NME7: variants seen among roughly 807,000 people sequenced by gnomAD.
The protein encoded by NME7 is NME/NM23 family member 7.
A neutral mutation model predicts 49.1 loss-of-function variants in NME7; 41 were observed. That is an observed-to-expected ratio of 0.83 (90% confidence interval 0.65 to 1.08). The LOEUF (loss-of-function observed/expected upper bound fraction) is 1.08, where lower values mean the gene tolerates loss of function less well. Ranked by LOEUF, NME7 falls within the 50% of genes least tolerant of loss-of-function variation. NME7 has a pLI of 0.00. For missense variants in NME7, 423 were observed against 463.4 expected (o/e 0.91, Z 0.80); for synonymous variants, 139 against 150.6 (o/e 0.92, Z 0.56).
chr1:169,337,194 C>T (rs796479758), intron 1 of NME7, among the ~76,000 whole-genome samples: 4 of 152,328 alleles, frequency 2.6e-5, no homozygotes, highest in African/African-American at 7.2e-5. Flanking sequence ...TCAGGCATGG[C>T]GGGCTGCAGG....
At chr1:169,352,071 T>C (rs2101976686) in intron 1 of NME7, among the ~76,000 whole-genome samples, 1 of 151,926 alleles carries the variant, frequency 6.6e-6, no homozygotes, top group Non-Finnish European at 1.5e-5. Flanking sequence ...GCTCATTCTA[T>C]GAGCTCAGTA....
intron 7 of NME7, among the ~76,000 whole-genome samples, chr1:169,267,208 C>A (rs1181317968): frequency 7.5e-6 from 1 of 133,338 alleles, no homozygotes; most frequent in African/African-American, 2.5e-5. Flanking sequence ...ATACAGCTAA[C>A]CAAGGAAGTT....
chr1:169,240,613 G>T (rs1648049138), intron 7 of NME7, among the ~76,000 whole-genome samples: 1 of 151,876 alleles, frequency 6.6e-6, no homozygotes, highest in African/African-American at 2.4e-5. Context: ...TACTTCGAAT[G>T]AAACTATGAT....
At chr1:169,293,459 A>G (rs756342370) in intron 6 of NME7, among the ~76,000 whole-genome samples, 2 of 152,128 alleles carry the variant, frequency 1.3e-5, no homozygotes, top group Non-Finnish European at 2.9e-5. Context: ...TAATCAATCT[A>G]TCCCTTGTCC....
intron 7 of NME7, among the ~76,000 whole-genome samples, chr1:169,250,064 T>A (rs533661578): frequency 1.3e-5 from 2 of 152,158 alleles, no homozygotes; most frequent in East Asian, 3.9e-4. Flanking sequence ...GTTCTCTGAA[T>A]GTCTGGTAGG....
intron 6 of NME7, 83 bp from the exon 7 acceptor site, chr1:169,287,491 TGCA>T: frequency 1.0e-6 from 1 of 976,994 alleles, no homozygotes; most frequent in East Asian, 2.6e-5. Context: ...AGGAGAATCA[TGCA>T]ATTACTTTTA....
intron 7 of NME7, among the ~76,000 whole-genome samples, chr1:169,243,219 C>T (rs1648165707): frequency 6.6e-6 from 1 of 151,992 alleles, no homozygotes; most frequent in Non-Finnish European, 1.5e-5. Flanking sequence ...ACAAAAAAAT[C>T]CCAAAATAGA....
At chr1:169,213,296 T>G (rs1660884040) in intron 10 of NME7, among the ~76,000 whole-genome samples, 1 of 152,138 alleles carries the variant, frequency 6.6e-6, no homozygotes, top group African/African-American at 2.4e-5. Context: ...AGTTCAGTAT[T>G]CACCAAGTCA....
intron 9 of NME7, among the ~76,000 whole-genome samples, chr1:169,233,131 G>T (rs1173539368): frequency 1.3e-5 from 2 of 150,282 alleles, no homozygotes; most frequent in Admixed American, 6.6e-5. Context: ...TCAAAGAAAT[G>T]CATTGTATTG....
chr1:169,152,658 C>T (rs756097441), intron 11 of NME7, among the ~76,000 whole-genome samples: 12 of 152,192 alleles, frequency 7.9e-5, no homozygotes, highest in Non-Finnish European at 1.3e-4. Flanking sequence ...CAAAGAATTA[C>T]ACCTTGATAG....
intron 10 of NME7, among the ~76,000 whole-genome samples, chr1:169,200,858 T>C (rs112801720): frequency 1.5e-3 from 227 of 152,310 alleles, no homozygotes; most frequent in African/African-American, 5.2e-3. Context: ...CTCTTGGGGA[T>C]TGTAGCTATC....
chr1:169,185,665 T>C (rs1660044471), intron 10 of NME7, among the ~76,000 whole-genome samples: 1 of 152,210 alleles, frequency 6.6e-6, no homozygotes, highest in South Asian at 2.1e-4. Flanking sequence ...AAGGGTATTT[T>C]AGCACAGTGA....
chr1:169,253,837 T>A (rs1648761185), intron 7 of NME7, among the ~76,000 whole-genome samples: 1 of 151,342 alleles, frequency 6.6e-6, no homozygotes, highest in African/African-American at 2.4e-5. Context: ...GTTTTTGTCT[T>A]TGGCTCTGTT....
At chr1:169,263,869 A>G (rs1649236574) in intron 7 of NME7, among the ~76,000 whole-genome samples, 1 of 132,960 alleles carries the variant, frequency 7.5e-6, no homozygotes, top group African/African-American at 2.5e-5. Context: ...GGTCACCTAA[A>G]AAGAGAAGCC....
intron 11 of NME7, among the ~76,000 whole-genome samples, chr1:169,140,498 T>TA (rs1658558443): frequency 6.6e-6 from 1 of 152,154 alleles, no homozygotes; most frequent in Non-Finnish European, 1.5e-5. Context: ...ATACAAATAA[T>TA]ACTTTTTTAA....
chr1:169,234,606 T>C (rs142229997), intron 9 of NME7, among the ~76,000 whole-genome samples: 140 of 152,226 alleles, frequency 9.2e-4, no homozygotes, highest in South Asian at 3.5e-3. Context: ...AGGTAGGTAA[T>C]AGCATTATTC....
intron 10 of NME7, among the ~76,000 whole-genome samples, chr1:169,226,269 T>G (rs1647334823): frequency 6.6e-6 from 1 of 152,200 alleles, no homozygotes; most frequent in Admixed American, 6.5e-5. Flanking sequence ...TTATCAATTC[T>G]ATCTCTTCCT....
chr1:169,307,492 G>C (rs1256641632), intron 4 of NME7, among the ~76,000 whole-genome samples: 1 of 152,146 alleles, frequency 6.6e-6, no homozygotes, highest in African/African-American at 2.4e-5. Context: ...AAAAGGCATG[G>C]GTGGAATTAA....
chr1:169,310,154 G>A, intron 3 of NME7, 74 bp from the exon 4 acceptor site: 1 of 904,150 alleles, frequency 1.1e-6, no homozygotes, highest in Non-Finnish European at 1.7e-6. Context: ...CCAAGCAGCA[G>A]TATTCTCAAC....
Sources: allele counts gnomAD v4.1 joint callset (sites outside exome capture counted in the v4.1 genomes callset), GRCh38; gene constraint gnomAD v4.1.1; transcripts MANE v1.5; gene names NCBI Gene and HGNC (gene_info 2026-07-23, HGNC 2026-07-21).